Variants in DSCAML1 observed in about 807,000 individuals in gnomAD.
The protein encoded by DSCAML1 is cell adhesion molecule DSCAML1.
In DSCAML1, 38 loss-of-function variants were observed where a neutral mutation model predicts 200.5. The observed-to-expected ratio is 0.19, with a 90% CI of 0.15 to 0.25. The LOEUF (loss-of-function observed/expected upper bound fraction) is 0.25, where lower values mean the gene tolerates loss of function less well. Among genes scored for constraint, DSCAML1 ranks in the 10% least tolerant of loss-of-function variants. DSCAML1 has a pLI of 1.00. For missense variants in DSCAML1, 2,223 were observed against 2,858.8 expected (o/e 0.78, Z 5.07); for synonymous variants, 1,215 against 1,165.0 (o/e 1.04, Z -0.87).
intron 3 of DSCAML1, among the ~76,000 whole-genome samples, chr11:117,620,228 G>A (rs141406878): frequency 7.2e-5 from 11 of 152,240 alleles, no homozygotes; most frequent in African/African-American, 2.2e-4. Context: ...AGCAGCTCCA[G>A]CCGGCCATGA....
intron 3 of DSCAML1, among the ~76,000 whole-genome samples, chr11:117,757,833 A>G (rs1405330893): frequency 1.3e-5 from 2 of 152,112 alleles, no homozygotes; most frequent in African/African-American, 4.8e-5. Flanking sequence ...TCTACCAAAA[A>G]TACAAAATTA....
At chr11:117,486,589 C>T (rs966480767) in intron 11 of DSCAML1, among the ~76,000 whole-genome samples, 4 of 152,198 alleles carry the variant, frequency 2.6e-5, no homozygotes, top group Non-Finnish European at 5.9e-5. Context: ...AGCTTCCTTC[C>T]AGGCCTTGCC....
chr11:117,631,199 G>A (rs2052165133), intron 3 of DSCAML1, among the ~76,000 whole-genome samples: 1 of 152,194 alleles, frequency 6.6e-6, no homozygotes, highest in Non-Finnish European at 1.5e-5. Context: ...GAGTCTGGGG[G>A]AGCCCCAAAT....
At chr11:117,520,831 G>A (rs2049872593) in intron 6 of DSCAML1, among the ~76,000 whole-genome samples, 1 of 151,926 alleles carries the variant, frequency 6.6e-6, no homozygotes. Context: ...TTGGGAGGCT[G>A]AGGTGGGAGG....
chr11:117,731,968 C>T (rs994800222), intron 3 of DSCAML1, among the ~76,000 whole-genome samples: 10 of 152,176 alleles, frequency 6.6e-5, no homozygotes, highest in African/African-American at 1.9e-4. Context: ...GACAGAGGGC[C>T]GGGGTGATGT....
chr11:117,539,606 CAAAAAAAAAAAAA>C (rs35130897), intron 3 of DSCAML1, among the ~76,000 whole-genome samples: 2 of 52,612 alleles, frequency 3.8e-5, no homozygotes, highest in African/African-American at 8.1e-5. Context: ...AAAACTCTGT[CAAAAAAAAAAAAA>C]AAAAAAAAAA....
At chr11:117,548,632 G>C (rs1202270160) in intron 3 of DSCAML1, among the ~76,000 whole-genome samples, 1 of 152,118 alleles carries the variant, frequency 6.6e-6, no homozygotes, top group Non-Finnish European at 1.5e-5. Flanking sequence ...TGATATATCA[G>C]TATCACTCCT....
At chr11:117,721,887 G>T (rs4938434) in intron 3 of DSCAML1, among the ~76,000 whole-genome samples, 120,274 of 150,650 alleles carry the variant, frequency 0.8, 51,178 homozygotes, top group Non-Finnish European at 0.94. Context: ...CTCACTGAAG[G>T]CTCCGTATAT....
At chr11:117,539,628 A>AAAG (rs2050230395) in intron 3 of DSCAML1, among the ~76,000 whole-genome samples, 1 of 150,978 alleles carries the variant, frequency 6.6e-6, no homozygotes, top group Non-Finnish European at 1.5e-5. Flanking sequence ...AAAAAAAAAA[A>AAAG]AAGGAATAAA....
At chr11:117,690,581 A>G (rs1197516292) in intron 3 of DSCAML1, among the ~76,000 whole-genome samples, 2 of 152,208 alleles carry the variant, frequency 1.3e-5, no homozygotes, top group Non-Finnish European at 2.9e-5. Flanking sequence ...CAGACAGGAC[A>G]TGAGGTTCAG....
intron 20 of DSCAML1, among the ~76,000 whole-genome samples, chr11:117,446,696 T>C (rs1376248842): frequency 1.3e-5 from 2 of 152,158 alleles, no homozygotes; most frequent in African/African-American, 4.8e-5. Context: ...GGGATCAGCA[T>C]AGGTGCAAAG....
chr11:117,731,607 A>C (rs2137818745), intron 3 of DSCAML1, among the ~76,000 whole-genome samples: 1 of 152,314 alleles, frequency 6.6e-6, no homozygotes, highest in African/African-American at 2.4e-5. Context: ...GAAGCTGGGC[A>C]ATCTGCCCTC....
At chr11:117,574,107 C>T (rs1179376684) in intron 3 of DSCAML1, among the ~76,000 whole-genome samples, 4 of 152,204 alleles carry the variant, frequency 2.6e-5, no homozygotes, top group African/African-American at 9.7e-5. Context: ...CCTTCCACCT[C>T]GACTCCTGGG....
At chr11:117,565,229 ATAATT>A (rs1305659862) in intron 3 of DSCAML1, among the ~76,000 whole-genome samples, 1 of 152,204 alleles carries the variant, frequency 6.6e-6, no homozygotes, top group African/African-American at 2.4e-5. Flanking sequence ...GGTACATGTG[ATAATT>A]TAATACATTC....
intron 3 of DSCAML1, among the ~76,000 whole-genome samples, chr11:117,627,573 C>T (rs140862064): frequency 6.6e-6 from 1 of 152,178 alleles, no homozygotes; most frequent in Non-Finnish European, 1.5e-5. Flanking sequence ...GGCCCCTGCT[C>T]TCTATGTAAA....
At chr11:117,531,291 A>G (rs1366825042) in intron 4 of DSCAML1, among the ~76,000 whole-genome samples, 1 of 152,114 alleles carries the variant, frequency 6.6e-6, no homozygotes, top group African/African-American at 2.4e-5. Flanking sequence ...CTGGTTAAAT[A>G]GCTCTGGCAA....
rs56765238 is a variant in DSCAML1 at position 117,515,610 on chromosome 11, C to CTTTTTTTTTTTTTTTTTTTT, written c.1783+837_1783+856dup. ...TGTCAAGGGCCCAGGAGGGACGAAG[C>CTTTTTTTTTTTTTTTTTTTT]TTTTTTTTTTTTTTTTTTTTTTTTT... On this transcript the variant is annotated intron_variant, in intron 8 of 32. Transcript: ENST00000651296. 7.5e-4 allele frequency among the ~76,000 whole-genome samples: 49 copies of CTTTTTTTTTTTTTTTTTTTT among 65,140 alleles called. 11 individuals are homozygous for CTTTTTTTTTTTTTTTTTTTT. The highest frequency in any genetic ancestry group is 9.0e-4 in the Non-Finnish European group (34 of 37,616). 42.7% of individuals were successfully genotyped at this position (65,140 alleles called of 152,430 possible).
intron 1 of DSCAML1, among the ~76,000 whole-genome samples, chr11:117,791,970 A>C (rs987403371): frequency 2.6e-5 from 4 of 152,238 alleles, no homozygotes; most frequent in African/African-American, 9.6e-5. Context: ...CCAAAGTCAC[A>C]TGGCCAGTAA....
intron 2 of DSCAML1, among the ~76,000 whole-genome samples, chr11:117,778,554 C>T (rs2055174216): frequency 6.6e-6 from 1 of 152,248 alleles, no homozygotes; most frequent in East Asian, 1.9e-4. Flanking sequence ...GTATAAAAGG[C>T]CCAGCCCAAG....
Sources: gnomAD v4.1 joint callset for allele counts (sites outside exome capture counted in the v4.1 genomes callset) on GRCh38, gnomAD v4.1.1 for gene constraint, MANE v1.5 for transcripts, NCBI Gene and HGNC (gene_info 2026-07-23, HGNC 2026-07-21) for gene names.